The following UTS2B variants were observed in gnomAD, a reference collection of about 807,000 sequenced individuals.
UTS2B encodes the protein urotensin 2B, also known as urotensin-2B.
UTS2B carries 21 observed loss-of-function variants against 19.2 expected under a neutral mutation model. That is an observed-to-expected ratio of 1.09 (90% CI 0.78 to 1.58). The LOEUF (loss-of-function observed/expected upper bound fraction) is 1.58, where lower values mean the gene tolerates loss of function less well. Ranked by LOEUF, UTS2B falls within the 40% of genes most tolerant of loss-of-function variation. The pLI is 0.00. For synonymous variants in UTS2B, 57 were observed against 50.2 expected, an observed-to-expected ratio of 1.14 and a Z score of -0.58; for missense variants, 138 against 130.3, an observed-to-expected ratio of 1.06 and a Z score of -0.29.
At chr3:191,297,961 G>A (rs1394596885) in intron 4 of UTS2B, among the ~76,000 whole-genome samples, 2 of 152,180 alleles carry the variant, frequency 1.3e-5, no homozygotes, top group Non-Finnish European at 2.9e-5. Context: ...ATATAACACT[G>A]AGAATTCCAA....
the UTS2B span, among the ~76,000 whole-genome samples, chr3:191,340,895 G>T: frequency 3.3e-5 from 5 of 152,260 alleles, no homozygotes; most frequent in African/African-American, 1.2e-4. Flanking sequence ...GCGTGCAGTG[G>T]TGCAGTCATA....
At chr3:191,274,877 T>C (rs905543703) in intron 8 of UTS2B, among the ~76,000 whole-genome samples, 1 of 152,256 alleles carries the variant, frequency 6.6e-6, no homozygotes, top group African/African-American at 2.4e-5. Flanking sequence ...ACAAGTGTTA[T>C]AGCAACGAAG....
intron 6 of UTS2B, among the ~76,000 whole-genome samples, chr3:191,277,244 A>G (rs1197906456): frequency 6.6e-6 from 1 of 152,142 alleles, no homozygotes; most frequent in Non-Finnish European, 1.5e-5. Flanking sequence ...TCTCCAAAAT[A>G]CTAAGGCTAA....
intron 2 of UTS2B, among the ~76,000 whole-genome samples, chr3:191,323,117 C>T (rs1351523454): frequency 9.8e-6 from 1 of 102,554 alleles, no homozygotes; most frequent in Non-Finnish European, 2.0e-5. Context: ...TGTTCAGGTT[C>T]TCTTTTCAGT....
chr3:191,276,874 C>T (rs369474793), intron 6 of UTS2B, 30 bp from the exon 7 acceptor site: 58 of 1,602,120 alleles, frequency 3.6e-5, no homozygotes, highest in East Asian at 4.5e-5. Context: ...CATGAAAAAA[C>T]GTACATTGCA....
chr3:191,302,145 C>T (rs1214646787), intron 4 of UTS2B, among the ~76,000 whole-genome samples: 1 of 152,158 alleles, frequency 6.6e-6, no homozygotes, highest in Non-Finnish European at 1.5e-5. Context: ...TTCAAGATTG[C>T]GCTGAAAGTC....
chr3:191,315,602 G>T (rs1297156919), intron 3 of UTS2B, among the ~76,000 whole-genome samples: 1 of 152,240 alleles, frequency 6.6e-6, no homozygotes, highest in Non-Finnish European at 1.5e-5. Context: ...CTGTGTTGAT[G>T]ATTGTTATTG....
intron 3 of UTS2B, among the ~76,000 whole-genome samples, chr3:191,312,407 T>C (rs949249991): frequency 2.0e-5 from 3 of 152,166 alleles, no homozygotes; most frequent in Admixed American, 6.5e-5. Flanking sequence ...TGTTTTCTTC[T>C]GGCAAGTGGA....
intron 5 of UTS2B, among the ~76,000 whole-genome samples, chr3:191,278,514 T>A (rs1479237336): frequency 6.6e-6 from 1 of 152,068 alleles, no homozygotes; most frequent in African/African-American, 2.4e-5. Flanking sequence ...AAAATAAGTA[T>A]AAACTAAAAG....
chr3:191,316,923 C>T (rs907696181), intron 2 of UTS2B, among the ~76,000 whole-genome samples: 4 of 151,532 alleles, frequency 2.6e-5, no homozygotes, highest in Non-Finnish European at 5.9e-5. Context: ...CAAGTCCCCA[C>T]CCGACTCAGG....
chr3:191,307,330 C>T (rs1717166610), intron 3 of UTS2B, among the ~76,000 whole-genome samples: 1 of 152,110 alleles, frequency 6.6e-6, no homozygotes, highest in Non-Finnish European at 1.5e-5. Context: ...CTGTGACCTT[C>T]CTATTCTAGT....
chr3:191,299,216 A>G (rs1235149832), intron 4 of UTS2B, among the ~76,000 whole-genome samples: 1 of 152,258 alleles, frequency 6.6e-6, no homozygotes, highest in Non-Finnish European at 1.5e-5. Flanking sequence ...AGTTACAGGA[A>G]TTTGCATAAA....
intron 6 of UTS2B, chr3:191,277,491 G>A (rs1220849877): frequency 6.6e-6 from 1 of 152,088 alleles, no homozygotes; most frequent in African/African-American, 2.4e-5. Flanking sequence ...AGCTAGACTT[G>A]TTAAATTTCT....
At chr3:191,283,800 C>G (rs190196095) in intron 4 of UTS2B, among the ~76,000 whole-genome samples, 7 of 152,210 alleles carry the variant, frequency 4.6e-5, no homozygotes, top group African/African-American at 1.4e-4. Context: ...CAACCATGAA[C>G]AATGATGAAC....
chr3:191,334,946 C>T (rs376727319), upstream of UTS2B, among the ~76,000 whole-genome samples: 2 of 152,148 alleles, frequency 1.3e-5, no homozygotes, highest in Non-Finnish European at 2.9e-5. Context: ...AAGTCACACT[C>T]TTGCCTCACT....
chr3:191,341,381 C>A, the UTS2B span, among the ~76,000 whole-genome samples: 12,960 of 152,112 alleles, frequency 0.085, 677 homozygotes, highest in East Asian at 0.24. Context: ...AGATGAGGAA[C>A]CTGAGGTTCA....
chr3:191,338,702 T>A, the UTS2B span, among the ~76,000 whole-genome samples: 2 of 152,354 alleles, frequency 1.3e-5, no homozygotes, highest in Admixed American at 1.3e-4. Context: ...TCCATAGAGC[T>A]AATCTTTGAA....
At chr3:191,344,367 A>T in the UTS2B span, among the ~76,000 whole-genome samples, 1 of 152,226 alleles carries the variant, frequency 6.6e-6, no homozygotes, top group Non-Finnish European at 1.5e-5. Flanking sequence ...CCAGCCCCAT[A>T]TGGCTATTTA....
chr3:191,326,730 C>T (rs938185566), intron 2 of UTS2B, among the ~76,000 whole-genome samples: 7 of 152,170 alleles, frequency 4.6e-5, no homozygotes, highest in African/African-American at 1.7e-4. Context: ...ATGTTCATTC[C>T]CTATAAATAC....
Sources: gnomAD v4.1 joint callset for allele counts (sites outside exome capture counted in the v4.1 genomes callset) on GRCh38, gnomAD v4.1.1 for gene constraint, MANE v1.5 for transcripts, NCBI Gene and HGNC (gene_info 2026-07-23, HGNC 2026-07-21) for gene names.